FSTL4: variants seen among roughly 807,000 people sequenced by gnomAD.
The protein encoded by FSTL4 is follistatin-related protein 4.
A neutral mutation model predicts 78.2 loss-of-function variants in FSTL4; 28 were observed. The ratio of observed to expected loss-of-function variants is 0.36; its 90% CI spans 0.27 to 0.49. The LOEUF (loss-of-function observed/expected upper bound fraction) is 0.49. Ranked by LOEUF, FSTL4 falls within the 20% of genes least tolerant of loss-of-function variation. The pLI is 0.98. For synonymous variants in FSTL4, 422 were observed against 440.5 expected (o/e 0.96, Z 0.53); for missense variants, 922 against 1,084.9 (o/e 0.85, Z 2.11).
At chr5:133,623,447 T>C in the FSTL4 span, among the ~76,000 whole-genome samples, 30,077 of 151,838 alleles carry the variant, frequency 0.2, 3,387 homozygotes, top group African/African-American at 0.3. Context: ...AATATCCACA[T>C]GCAAAAGAAT....
chr5:133,803,823 T>A, the FSTL4 span, among the ~76,000 whole-genome samples: 5 of 152,122 alleles, frequency 3.3e-5, no homozygotes, highest in African/African-American at 1.2e-4. Context: ...CTCTTCCACA[T>A]CCCAGGAGTC....
chr5:133,403,145 C>G (rs1580685843), intron 3 of FSTL4, among the ~76,000 whole-genome samples: 1 of 152,226 alleles, frequency 6.6e-6, no homozygotes. Context: ...GTTTCTCTCC[C>G]AAGACAGGGC....
chr5:133,527,527 T>C (rs1759162399), intron 3 of FSTL4, among the ~76,000 whole-genome samples: 1 of 152,048 alleles, frequency 6.6e-6, no homozygotes, highest in South Asian at 2.1e-4. Flanking sequence ...ACTGCATAAC[T>C]GACCGATGTT....
chr5:133,332,073 G>T (rs1331448364), intron 4 of FSTL4, among the ~76,000 whole-genome samples: 1 of 152,222 alleles, frequency 6.6e-6, no homozygotes, highest in Non-Finnish European at 1.5e-5. Context: ...AGAAGCCGGG[G>T]CTGCCGAGGG....
chr5:133,219,805 A>AG (rs1164098792), intron 12 of FSTL4, among the ~76,000 whole-genome samples: 6 of 152,234 alleles, frequency 3.9e-5, no homozygotes, highest in African/African-American at 1.4e-4. Context: ...CAAATATATG[A>AG]GAAATTTGTG....
the FSTL4 span, among the ~76,000 whole-genome samples, chr5:133,697,092 G>A: frequency 6.6e-6 from 1 of 152,230 alleles, no homozygotes; most frequent in African/African-American, 2.4e-5. Context: ...GCAACTGTGG[G>A]CACATCTTTT....
At chr5:133,503,183 T>C (rs1758537763) in intron 3 of FSTL4, among the ~76,000 whole-genome samples, 1 of 152,168 alleles carries the variant, frequency 6.6e-6, no homozygotes, top group Admixed American at 6.5e-5. Flanking sequence ...CAGATCATGC[T>C]TACTCCCAGA....
chr5:133,810,398 T>C, the FSTL4 span, among the ~76,000 whole-genome samples: 1 of 152,188 alleles, frequency 6.6e-6, no homozygotes, highest in African/African-American at 2.4e-5. Flanking sequence ...GCCAAATTAA[T>C]CAGCCTCAAA....
At chr5:133,450,456 G>A (rs1344481337) in intron 3 of FSTL4, among the ~76,000 whole-genome samples, 1 of 152,234 alleles carries the variant, frequency 6.6e-6, no homozygotes, top group Non-Finnish European at 1.5e-5. Flanking sequence ...CACACACCGA[G>A]CACTCACGGC....
chr5:133,651,363 T>C, the FSTL4 span, among the ~76,000 whole-genome samples: 19 of 152,160 alleles, frequency 1.2e-4, no homozygotes, highest in Non-Finnish European at 1.0e-4. Flanking sequence ...ATGTTAGCTA[T>C]AGGGTTTTTT....
In FSTL4 at chr5:133,249,398, C is replaced by T; in HGVS notation, c.894+12G>A. Reference sequence around the variant, plus strand: ...GTGCGCTTGAGCTCAGAGTGAATTCCAGGTGACTTACATTGATGTCTTCCA... The same window carrying T: ...GTGCGCTTGAGCTCAGAGTGAATTCTAGGTGACTTACATTGATGTCTTCCA... On this transcript the variant is annotated intron_variant, in intron 7 of 15. Transcript: ENST00000265342. 6.2e-7 allele frequency: 1 copy of T among 1,611,266 alleles called. No individual in the cohort carries two copies. Among genetic ancestry groups the T allele is most frequent in the Non-Finnish European group, 8.5e-7 (1 of 1,177,392 alleles).
At chr5:133,422,668 G>A (rs1756723873) in intron 3 of FSTL4, among the ~76,000 whole-genome samples, 1 of 152,154 alleles carries the variant, frequency 6.6e-6, no homozygotes, top group Admixed American at 6.5e-5. Flanking sequence ...ATGTAGAAAT[G>A]GAAGATTTTA....
rs571539166 is a variant in FSTL4 at position 133,450,858 on chromosome 5, T to C, written c.161-49872A>G. Among the ~76,000 whole-genome samples the C allele has an allele frequency of 3.3e-5, 5 of 152,180 alleles. No individual in the cohort carries two copies. In the East Asian group the frequency reaches 9.7e-4, roughly 29 times the overall value. On this transcript the variant is annotated intron_variant, in intron 3 of 15. Coordinates refer to ENST00000265342, the MANE Select transcript of FSTL4 (RefSeq NM_015082.2). ...AGGGGAGATCAGGGCTGCAGACCAATGGGGGAGAGCCAGGTGATGCCAGCC... is the reference window on the plus strand; with the variant it reads ...AGGGGAGATCAGGGCTGCAGACCAACGGGGGAGAGCCAGGTGATGCCAGCC...
chr5:133,372,071 G>T (rs1346794267), intron 4 of FSTL4, among the ~76,000 whole-genome samples: 1 of 152,180 alleles, frequency 6.6e-6, no homozygotes, highest in Non-Finnish European at 1.5e-5. Context: ...CCACCCACAG[G>T]CCGAACATGT....
At chr5:133,602,173 C>A (rs796344710) in intron 2 of FSTL4, among the ~76,000 whole-genome samples, 1 of 152,074 alleles carries the variant, frequency 6.6e-6, no homozygotes, top group Non-Finnish European at 1.5e-5. Context: ...TCTTGTGGTG[C>A]AGAATCTACA....
At chr5:133,828,368 TCAGTGA>T in the FSTL4 span, among the ~76,000 whole-genome samples, 1 of 152,342 alleles carries the variant, frequency 6.6e-6, no homozygotes, top group South Asian at 2.1e-4. Flanking sequence ...TGCTTCACCC[TCAGTGA>T]CAGGATTTTT....
chr5:133,206,763 G>A (rs1054615560), intron 14 of FSTL4, among the ~76,000 whole-genome samples: 1 of 152,022 alleles, frequency 6.6e-6, no homozygotes, highest in African/African-American at 2.4e-5. Flanking sequence ...TTGGGGTTGT[G>A]AAGGATTCAT....
chr5:133,240,076 C>T lies in FSTL4; in HGVS notation c.895-6539G>A, dbSNP rs144402147. ...TGCTGCTGCTCACTCTTTAGGTTTACACTGACTTTATCAGCTGCAACACTC... is the reference window on the plus strand; with the variant it reads ...TGCTGCTGCTCACTCTTTAGGTTTATACTGACTTTATCAGCTGCAACACTC... On this transcript the variant is annotated intron_variant, in intron 7 of 15. Coordinates refer to ENST00000265342, the MANE Select transcript of FSTL4 (RefSeq NM_015082.2). 6.1e-4 allele frequency among the ~76,000 whole-genome samples: 93 copies of T among 152,330 alleles called. 1 individual carries two copies. Among genetic ancestry groups the T allele is most frequent in the Middle Eastern group, 3.4e-3 (1 of 294 alleles).
At chr5:133,554,649 T>C (rs1173535221) in intron 3 of FSTL4, among the ~76,000 whole-genome samples, 2 of 152,220 alleles carry the variant, frequency 1.3e-5, no homozygotes, top group African/African-American at 2.4e-5. Context: ...CTTTTCAACC[T>C]TGTCTTCTTG....
Sources: gnomAD v4.1 joint callset for allele counts (sites outside exome capture counted in the v4.1 genomes callset) on GRCh38, gnomAD v4.1.1 for gene constraint, MANE v1.5 for transcripts, NCBI Gene and HGNC (gene_info 2026-07-23, HGNC 2026-07-21) for gene names.